The following ACSL4 variants were observed in gnomAD, a reference collection of about 807,000 sequenced individuals.
ACSL4 encodes long-chain-fatty-acid--CoA ligase 4.
In ACSL4, 9 loss-of-function variants were observed where a neutral mutation model predicts 49.1. That is an observed-to-expected ratio of 0.18 (90% confidence interval 0.11 to 0.32). The LOEUF is 0.32. Ranked by LOEUF, ACSL4 falls within the 10% of genes least tolerant of loss-of-function variation. The pLI, the probability that ACSL4 is intolerant of heterozygous loss-of-function variation, is 1.00. For synonymous variants in ACSL4, 191 were observed against 170.3 expected, an observed-to-expected ratio of 1.12 and a Z score of -0.95; for missense variants, 333 against 493.7, an observed-to-expected ratio of 0.67 and a Z score of 3.08.
At chrX:109,677,861 T>C (rs1448804388) in intron 8 of ACSL4, 127 bp downstream of exon 8, 3 of 887,631 alleles carry the variant, frequency 3.4e-6, no homozygotes, top group African/African-American at 2.0e-5. Context: ...ATATTGTTCA[T>C]GGAAGCTATT....
intron 1 of ACSL4, among the ~76,000 whole-genome samples, chrX:109,725,656 C>T (rs189834199): frequency 2.7e-5 from 3 of 110,314 alleles, no homozygotes; most frequent in East Asian, 5.7e-4. Context: ...AGGAGAATGG[C>T]GTGAACCCGG....
intron 15 of ACSL4, among the ~76,000 whole-genome samples, chrX:109,648,483 G>T (rs1934846303): frequency 9.0e-6 from 1 of 111,071 alleles, no homozygotes; most frequent in Non-Finnish European, 1.9e-5. Context: ...AACGCTTCAT[G>T]CTAAAAACTC....
At chrX:109,660,376 A>G (rs938569156) in intron 14 of ACSL4, among the ~76,000 whole-genome samples, 87 of 111,811 alleles carry the variant, frequency 7.8e-4, no homozygotes, top group Non-Finnish European at 4.5e-4. Flanking sequence ...TACAAATCAA[A>G]ACTAAAACAA....
At chrX:109,652,645 A>T (rs918642258) in intron 15 of ACSL4, among the ~76,000 whole-genome samples, 2 of 111,587 alleles carry the variant, frequency 1.8e-5, no homozygotes, top group Middle Eastern at 4.6e-3. Context: ...TTGAAATGCT[A>T]TACTTAAATA....
chrX:109,669,428 C>G (rs1279930939), intron 9 of ACSL4, among the ~76,000 whole-genome samples: 1 of 103,854 alleles, frequency 9.6e-6, no homozygotes, highest in Non-Finnish European at 1.9e-5. Flanking sequence ...GAGTCTCACT[C>G]TGCTGCCCAG....
chrX:109,708,496 T>G (rs1299772435), intron 1 of ACSL4, among the ~76,000 whole-genome samples: 1 of 112,148 alleles, frequency 8.9e-6, no homozygotes, highest in Admixed American at 9.5e-5. Context: ...GAAAGCAGGT[T>G]AGATCTTCGG....
At chrX:109,675,216 A>C (rs1032332080) in intron 8 of ACSL4, among the ~76,000 whole-genome samples, 3 of 113,085 alleles carry the variant, frequency 2.7e-5, no homozygotes, top group African/African-American at 9.6e-5. Flanking sequence ...TTCAGGTCGG[A>C]GTTGCCCTCT....
intron 13 of ACSL4, 109 bp from the exon 14 acceptor site, chrX:109,661,754 TA>T: frequency 7.1e-6 from 4 of 562,961 alleles, no homozygotes; most frequent in South Asian, 5.3e-5. Flanking sequence ...CTACTTCTTC[TA>T]AAATTATTAT....
In ACSL4 at chrX:109,677,464, T is replaced by C. The variant is rs977483858; in HGVS notation, c.930+524A>G. On this transcript the variant is annotated intron_variant, in intron 8 of 15. Transcript: ENST00000672401. ...AGAGTAAAAATCTAGTAGAAAAAGA[T>C]AAAAGTAATTATTCATTTTTAAATA... is the stretch of plus-strand genomic sequence containing the variant. Among the ~76,000 whole-genome samples the C allele has an allele frequency of 3.6e-5, 4 of 111,184 alleles. No homozygotes were observed. In the Admixed American group the frequency reaches 3.8e-4, roughly 11 times the overall value.
At chrX:109,684,000 T>C (rs5943414) in intron 2 of ACSL4, among the ~76,000 whole-genome samples, 45,185 of 110,723 alleles carry the variant, frequency 0.41, 8,036 homozygotes, top group Middle Eastern at 0.62. Context: ...ATATGATATT[T>C]AAGTTTGTCA....
chrX:109,676,511 G>A (rs776729201), intron 8 of ACSL4, among the ~76,000 whole-genome samples: 65 of 111,335 alleles, frequency 5.8e-4, no homozygotes, highest in African/African-American at 2.1e-3. Flanking sequence ...AGTGTTGGAG[G>A]AGCAGAGCCA....
chrX:109,726,553 A>G (rs942108003), intron 1 of ACSL4, among the ~76,000 whole-genome samples: 2 of 112,879 alleles, frequency 1.8e-5, no homozygotes, highest in African/African-American at 6.4e-5. Context: ...ACCAACTAAT[A>G]CCAAGTATTC....
chrX:109,686,465 T>TAC (rs764909226), intron 2 of ACSL4, among the ~76,000 whole-genome samples: 1 of 112,186 alleles, frequency 8.9e-6, no homozygotes, highest in Admixed American at 9.4e-5. Flanking sequence ...TTTCAATACA[T>TAC]ACATTCTCAG....
intron 1 of ACSL4, among the ~76,000 whole-genome samples, chrX:109,697,725 G>A (rs747872068): frequency 5.2e-4 from 53 of 101,315 alleles, no homozygotes; most frequent in African/African-American, 1.8e-3. Flanking sequence ...GGGGGGGCGC[G>A]GGGAACTTGC....
chrX:109,723,237 T>C (rs896150799), intron 1 of ACSL4, among the ~76,000 whole-genome samples: 6 of 111,501 alleles, frequency 5.4e-5, no homozygotes, highest in Non-Finnish European at 7.5e-5. Flanking sequence ...ATAGTAATTG[T>C]ATTTTGCTAT....
chrX:109,664,584 A>G (rs917869396), intron 12 of ACSL4, among the ~76,000 whole-genome samples: 1 of 112,174 alleles, frequency 8.9e-6, no homozygotes, highest in Non-Finnish European at 1.9e-5. Context: ...AAGCACTGAC[A>G]ATAACACACA....
intron 6 of ACSL4, 124 bp from the exon 7 acceptor site, chrX:109,678,539 A>C: frequency 2.3e-6 from 2 of 876,415 alleles, no homozygotes; most frequent in Non-Finnish European, 3.3e-6. Flanking sequence ...GCTTTAAATC[A>C]TCAAAACGAG....
chrX:109,651,037 T>C (rs1354718348), intron 15 of ACSL4, among the ~76,000 whole-genome samples: 1 of 112,275 alleles, frequency 8.9e-6, no homozygotes, highest in African/African-American at 3.2e-5. Context: ...ATTTGAGTTA[T>C]ACAACTTAAT....
intron 14 of ACSL4, 72 bp from the exon 15 acceptor site, chrX:109,659,583 G>A: frequency 1.5e-6 from 1 of 664,530 alleles, no homozygotes; most frequent in Non-Finnish European, 2.4e-6. Flanking sequence ...CAATGACATA[G>A]TACAGTACAG....
Sources: allele counts gnomAD v4.1 joint callset (sites outside exome capture counted in the v4.1 genomes callset), GRCh38; gene constraint gnomAD v4.1.1; transcripts MANE v1.5; gene names NCBI Gene and HGNC (gene_info 2026-07-23, HGNC 2026-07-21).